PTPN13: variants seen among roughly 807,000 people sequenced by gnomAD.
PTPN13 encodes tyrosine-protein phosphatase non-receptor type 13.
A neutral mutation model predicts 284.0 loss-of-function variants in PTPN13; 191 were observed. The observed-to-expected ratio is 0.67, with a 90% CI of 0.60 to 0.76. PTPN13 has a LOEUF of 0.76. PTPN13 is among the 30% of genes least tolerant of loss of function. The pLI, the probability that PTPN13 is intolerant of heterozygous loss-of-function variation, is 0.00. For synonymous variants in PTPN13, 986 were observed against 1,022.3 expected (o/e 0.96, Z 0.68); for missense variants, 2,797 against 2,939.9 (o/e 0.95, Z 1.12).
At chr4:86,735,419 T>G (rs761549330) in intron 14 of PTPN13, among the ~76,000 whole-genome samples, 175 bp from the exon 15 acceptor site, 6 of 152,200 alleles carry the variant, frequency 3.9e-5, no homozygotes, top group Non-Finnish European at 7.3e-5. Flanking sequence ...TCATTTTATC[T>G]CACTGAATAG....
chr4:86,797,676 A>T (rs12171331), intron 41 of PTPN13, among the ~76,000 whole-genome samples: 15,111 of 152,074 alleles, frequency 0.099, 870 homozygotes, highest in Non-Finnish European at 0.11. Context: ...GACTGTCTTC[A>T]CCTATTGGGT....
chr4:86,674,987 A>T (rs1728119985), intron 3 of PTPN13, among the ~76,000 whole-genome samples: 1 of 152,196 alleles, frequency 6.6e-6, no homozygotes, highest in Non-Finnish European at 1.5e-5. Context: ...AAGCATTTAA[A>T]ACCCACAATA....
chr4:86,777,967 C>T (rs1740848708), intron 35 of PTPN13, among the ~76,000 whole-genome samples: 1 of 152,178 alleles, frequency 6.6e-6, no homozygotes, highest in South Asian at 2.1e-4. Context: ...TATTTTGCCT[C>T]AAAATTAGTA....
At chr4:86,733,556 G>T (rs1450610938) in intron 12 of PTPN13, among the ~76,000 whole-genome samples, 2 of 151,888 alleles carry the variant, frequency 1.3e-5, no homozygotes, top group African/African-American at 4.8e-5. Context: ...TTGAATTATT[G>T]TGCCTTAAAA....
intron 17 of PTPN13, among the ~76,000 whole-genome samples, chr4:86,745,750 T>C (rs12503659): frequency 0.32 from 48,664 of 151,546 alleles, 8,050 homozygotes; most frequent in African/African-American, 0.41. Context: ...CACTCCAACC[T>C]GGGCGACAGT....
At chr4:86,691,586 A>G (rs1417453849) in intron 5 of PTPN13, among the ~76,000 whole-genome samples, 1 of 152,194 alleles carries the variant, frequency 6.6e-6, no homozygotes, top group Non-Finnish European at 1.5e-5. Context: ...GCCAGACACT[A>G]TGCTAAGGGG....
chr4:86,681,231 CT>C (rs34475286), intron 3 of PTPN13, among the ~76,000 whole-genome samples: 3 of 152,132 alleles, frequency 2.0e-5, no homozygotes, highest in African/African-American at 7.2e-5. Flanking sequence ...AAATTTACTA[CT>C]TTTTTTAATA....
intron 2 of PTPN13, among the ~76,000 whole-genome samples, chr4:86,651,177 A>G (rs1725035202): frequency 1.3e-5 from 2 of 152,260 alleles, no homozygotes; most frequent in Admixed American, 6.5e-5. Flanking sequence ...ATGATCATAT[A>G]GTTTTTGTCT....
chr4:86,711,978 T>C (rs1203781338), intron 7 of PTPN13, among the ~76,000 whole-genome samples: 1 of 152,128 alleles, frequency 6.6e-6, no homozygotes, highest in Non-Finnish European at 1.5e-5. Context: ...ATCTTTTTGG[T>C]TTAAAAAAAT....
intron 3 of PTPN13, among the ~76,000 whole-genome samples, chr4:86,684,157 TACA>T (rs1729197809): frequency 6.6e-6 from 1 of 151,646 alleles, no homozygotes; most frequent in African/African-American, 2.4e-5. Context: ...CATCTAACTA[TACA>T]ACAAGGTAAT....
At chr4:86,726,201 A>G (rs994729414) in intron 10 of PTPN13, among the ~76,000 whole-genome samples, 4 of 149,648 alleles carry the variant, frequency 2.7e-5, no homozygotes, top group Non-Finnish European at 6.0e-5. Flanking sequence ...TACCAGTACC[A>G]TGCTGTTTTG....
chr4:86,756,414 T>G (rs1048814938), intron 20 of PTPN13, among the ~76,000 whole-genome samples: 7 of 152,098 alleles, frequency 4.6e-5, no homozygotes, highest in African/African-American at 1.7e-4. Context: ...TGGATGGGCT[T>G]TTGCTTAGGA....
intron 37 of PTPN13, among the ~76,000 whole-genome samples, chr4:86,783,041 C>T (rs983097228): frequency 5.9e-5 from 9 of 152,138 alleles, no homozygotes; most frequent in Admixed American, 2.0e-4. Flanking sequence ...TAAAATACAG[C>T]GCTGAGGGAT....
In PTPN13 at chr4:86,782,215, G is replaced by A. The variant is rs1458330597; in HGVS notation, c.5977G>A (p.Gly1993Arg). Reference protein sequence around the residue: ...STKGNGSYSVGSCSQPALTPN... With the variant: ...STKGNGSYSVRSCSQPALTPN... The stretch of plus-strand genomic sequence containing the variant: ...TGTCCTTTCAGGTTCCTACAGTGTG[G>A]GGTCTTGCAGCCAGCCTGCCCTCAC... The change falls in exon 37 of 48, where the codon GGG becomes AGG. Residue 1993 changes from glycine (G) to arginine (R), a missense_variant. By Grantham distance (125) the Gly-to-Arg change is moderately radical (BLOSUM62 -2). Coordinates refer to ENST00000411767, the MANE Select transcript of PTPN13 (RefSeq NM_080683.3). 3.7e-5 allele frequency: 59 copies of A among 1,608,322 alleles called. No homozygotes were observed. The highest frequency in any genetic ancestry group is 4.9e-5 in the Non-Finnish European group (57 of 1,175,014).
intron 42 of PTPN13, among the ~76,000 whole-genome samples, chr4:86,799,465 G>T (rs1743743043): frequency 6.6e-6 from 1 of 151,854 alleles, no homozygotes; most frequent in African/African-American, 2.4e-5. Context: ...GAGTAGCTGG[G>T]ATTACAGGCG....
chr4:86,763,761 A>AATGTTTTTTTTACAAC (rs1738968547), intron 24 of PTPN13, among the ~76,000 whole-genome samples: 1 of 152,066 alleles, frequency 6.6e-6, no homozygotes, highest in Non-Finnish European at 1.5e-5. Context: ...TTTCTTAAAA[A>AATGTTTTTTTTACAAC]ATTATCCAGG....
At chr4:86,750,029 T>A (rs950814022) in intron 17 of PTPN13, among the ~76,000 whole-genome samples, 3 of 152,196 alleles carry the variant, frequency 2.0e-5, no homozygotes, top group African/African-American at 4.8e-5. Flanking sequence ...CTTTTTCAGG[T>A]GTGTATTCAC....
In PTPN13 at chr4:86,716,854, T is replaced by C. The variant is rs1565399604; in HGVS notation, c.1292-170T>C. 2.0e-5 allele frequency among the ~76,000 whole-genome samples: 3 copies of C among 152,208 alleles called. No individual in the cohort carries two copies. In the South Asian group the frequency reaches 6.2e-4, roughly 32 times the overall value. On this transcript the variant is annotated intron_variant, in intron 8 of 47. Transcript: ENST00000411767. ...TTACAGAGATAATAATTCATTGTCTTTAAAAGTAACATGATTTACCTCAAA... is the reference window on the plus strand; with the variant it reads ...TTACAGAGATAATAATTCATTGTCTCTAAAAGTAACATGATTTACCTCAAA...
intron 23 of PTPN13, 85 bp downstream of exon 23, chr4:86,759,158 C>A: frequency 7.2e-7 from 1 of 1,392,140 alleles, no homozygotes; most frequent in Non-Finnish European, 9.7e-7. Context: ...AAAATGGATT[C>A]ATTGTGTACA....
Sources: gnomAD v4.1 joint callset for allele counts (sites outside exome capture counted in the v4.1 genomes callset) on GRCh38, gnomAD v4.1.1 for gene constraint, MANE v1.5 for transcripts, NCBI Gene and HGNC (gene_info 2026-07-23, HGNC 2026-07-21) for gene names.